The following LARP1B variants were observed in gnomAD, a reference collection of about 807,000 sequenced individuals.
The protein encoded by LARP1B is La ribonucleoprotein 1B.
A neutral mutation model predicts 114.2 loss-of-function variants in LARP1B; 76 were observed. The ratio of observed to expected loss-of-function variants is 0.67; its 90% CI spans 0.55 to 0.81. The LOEUF (loss-of-function observed/expected upper bound fraction) is 0.81. LARP1B is among the 30% of genes least tolerant of loss of function. The pLI is 0.00. For synonymous variants in LARP1B, 345 were observed against 348.0 expected, an observed-to-expected ratio of 0.99 and a Z score of 0.10; for missense variants, 1,014 against 1,075.8, an observed-to-expected ratio of 0.94 and a Z score of 0.80.
intron 5 of LARP1B, among the ~76,000 whole-genome samples, chr4:128,086,662 C>G (rs1773694528): frequency 6.6e-6 from 1 of 152,012 alleles, no homozygotes; most frequent in Admixed American, 6.6e-5. Context: ...CTTTTTATAA[C>G]TGGCAATAAG....
At chr4:128,090,752 T>C (rs1262829968) in intron 5 of LARP1B, among the ~76,000 whole-genome samples, 1 of 152,216 alleles carries the variant, frequency 6.6e-6, no homozygotes, top group Non-Finnish European at 1.5e-5. Flanking sequence ...TCTTTACCTT[T>C]CTAGTATGTT....
At chr4:128,078,474 A>C (rs769882283) in intron 4 of LARP1B, among the ~76,000 whole-genome samples, 27 of 151,800 alleles carry the variant, frequency 1.8e-4, no homozygotes, top group Admixed American at 3.9e-4. Context: ...CGTGTTGCGC[A>C]CTTGTAGTCC....
intron 11 of LARP1B, chr4:128,155,707 C>T (rs1735244200): frequency 3.7e-6 from 6 of 1,606,816 alleles, no homozygotes; most frequent in East Asian, 2.2e-5. Context: ...GGAAGAGGAG[C>T]GCCGCCGAGT....
At chr4:128,151,946 C>T (rs541062035) in intron 11 of LARP1B, among the ~76,000 whole-genome samples, 54 of 152,186 alleles carry the variant, frequency 3.5e-4, no homozygotes, top group African/African-American at 1.2e-3. Context: ...GGCAATGTGC[C>T]TTGTTTAGTA....
chr4:128,141,658 T>C (rs1450004374), intron 11 of LARP1B, among the ~76,000 whole-genome samples: 1 of 152,178 alleles, frequency 6.6e-6, no homozygotes, highest in Non-Finnish European at 1.5e-5. Context: ...TCCCAGAATT[T>C]TTCTTGGAGG....
chr4:128,066,283 TCTC>T (rs948852338), intron 1 of LARP1B, among the ~76,000 whole-genome samples: 1 of 150,606 alleles, frequency 6.6e-6, no homozygotes, highest in Non-Finnish European at 1.5e-5. Flanking sequence ...TTCACACTGT[TCTC>T]CTGCCTCAAC....
At chr4:128,120,554 C>T (rs1787565228) in intron 10 of LARP1B, among the ~76,000 whole-genome samples, 1 of 150,624 alleles carries the variant, frequency 6.6e-6, no homozygotes, top group South Asian at 2.1e-4. Context: ...GTTCAAGCCT[C>T]CGCCTCCAGG....
At chr4:128,206,639 C>G in intron 18 of LARP1B, 102 bp downstream of exon 18, 1 of 1,459,888 alleles carries the variant, frequency 6.8e-7, no homozygotes, top group Non-Finnish European at 9.0e-7. Flanking sequence ...TCAGGGCAAA[C>G]CATTTAAGAT....
chr4:128,146,146 G>C (rs544540499), intron 11 of LARP1B, among the ~76,000 whole-genome samples: 22 of 152,230 alleles, frequency 1.4e-4, no homozygotes, highest in Admixed American at 1.4e-3. Context: ...GTCTATATGT[G>C]TACGTGTGTG....
downstream of LARP1B, among the ~76,000 whole-genome samples, chr4:128,213,343 T>G (rs1319755929): frequency 6.6e-6 from 1 of 152,210 alleles, no homozygotes; most frequent in Admixed American, 6.5e-5. Context: ...TTAACCATAT[T>G]GTTTGTAGAT....
At chr4:128,105,003 A>G (rs1198838990) in intron 8 of LARP1B, among the ~76,000 whole-genome samples, 2 of 152,034 alleles carry the variant, frequency 1.3e-5, no homozygotes, top group African/African-American at 4.8e-5. Context: ...AACCAACACT[A>G]CTAGCAGTCT....
chr4:128,142,081 C>T (rs539228981), intron 11 of LARP1B, among the ~76,000 whole-genome samples: 1 of 152,290 alleles, frequency 6.6e-6, no homozygotes, highest in South Asian at 2.1e-4. Context: ...ATGTAAACTT[C>T]CTGTCTCCTC....
intron 8 of LARP1B, among the ~76,000 whole-genome samples, chr4:128,099,042 C>G (rs1244210064): frequency 1.3e-5 from 2 of 151,082 alleles, no homozygotes; most frequent in African/African-American, 4.9e-5. Context: ...TCCCAAAATG[C>G]TAGGATTACA....
chr4:128,149,892 C>T (rs935887778), intron 11 of LARP1B, among the ~76,000 whole-genome samples: 1 of 152,202 alleles, frequency 6.6e-6, no homozygotes, highest in African/African-American at 2.4e-5. Flanking sequence ...GTGGCTCACG[C>T]CTGTAATCCC....
intron 8 of LARP1B, among the ~76,000 whole-genome samples, chr4:128,098,747 G>GTGTATATATATATATATATATATATA: frequency 6.4e-5 from 1 of 15,584 alleles, no homozygotes; most frequent in African/African-American, 1.9e-4. Context: ...ATATGTATGT[G>GTGTATATATATATATATATATATATA]TATATATATA....
Position 128,077,958 on chromosome 4 carries a change from G to C in LARP1B, c.213G>C (p.Lys71Asn), listed in dbSNP as rs1768651528. 1 of 1,566,018 alleles carries C rather than the reference G, an allele frequency of 6.4e-7. No individual in the cohort carries two copies. The highest frequency in any genetic ancestry group is 2.3e-5 in the East Asian group (1 of 44,140). Residue 71 changes from lysine to asparagine, a missense_variant, in exon 4 of 20, where the codon AAG (lysine) becomes AAC (asparagine). Transcript: ENST00000326639. ...AGGCTCAGTCAAGTAATCAACGTAA[G>C]AGAGGTCAGTTTGTCCATATCTTTA... ...EDEAQSSNQR[K>N]RANKHKWVPL...
intron 11 of LARP1B, chr4:128,123,713 A>G (rs951756780): frequency 6.2e-6 from 6 of 972,312 alleles, no homozygotes; most frequent in Non-Finnish European, 6.1e-6. Flanking sequence ...CATTAACCAA[A>G]GGAACCCAAC....
At chr4:128,161,403 A>G (rs1465598477) in intron 11 of LARP1B, among the ~76,000 whole-genome samples, 11 of 152,184 alleles carry the variant, frequency 7.2e-5, no homozygotes, top group Admixed American at 7.2e-4. Context: ...GGAGGGGTCT[A>G]TTCTTCCTTT....
chr4:128,061,560 C>A, intron 1 of LARP1B, 159 bp downstream of exon 1: 1 of 508,656 alleles, frequency 2.0e-6, no homozygotes, highest in Non-Finnish European at 2.5e-6. Flanking sequence ...GCGGCGGCAG[C>A]GGCGGCCACG....
Sources: allele counts gnomAD v4.1 joint callset (sites outside exome capture counted in the v4.1 genomes callset), GRCh38; gene constraint gnomAD v4.1.1; transcripts MANE v1.5; gene names NCBI Gene and HGNC (gene_info 2026-07-23, HGNC 2026-07-21).